Variants in LRRTM4 observed in about 807,000 individuals in gnomAD.
LRRTM4 encodes leucine rich repeat transmembrane neuronal 4, also known as leucine-rich repeat transmembrane neuronal protein 4.
In LRRTM4, 25 loss-of-function variants were observed where a neutral mutation model predicts 47.6. The ratio of observed to expected loss-of-function variants is 0.53; its 90% CI spans 0.38 to 0.73. The LOEUF is 0.73. Among genes scored for constraint, LRRTM4 ranks in the 30% least tolerant of loss-of-function variants. The probability of loss-of-function intolerance (pLI) is 0.00; values close to 1 mark genes in which losing one functional copy is unlikely to be tolerated. For synonymous variants in LRRTM4, 311 were observed against 269.5 expected, an observed-to-expected ratio of 1.15 and a Z score of -1.51; for missense variants, 638 against 713.4, an observed-to-expected ratio of 0.89 and a Z score of 1.20.
chr2:76,900,945 T>C (rs1673605069), intron 3 of LRRTM4, among the ~76,000 whole-genome samples: 6 of 152,160 alleles, frequency 3.9e-5, no homozygotes, highest in Admixed American at 3.9e-4. Flanking sequence ...AATGCATGCA[T>C]TTTCTAACAT....
At chr2:77,181,130 T>A (rs912534261) in intron 3 of LRRTM4, among the ~76,000 whole-genome samples, 1 of 152,128 alleles carries the variant, frequency 6.6e-6, no homozygotes, top group Non-Finnish European at 1.5e-5. Context: ...ACTAGACAAA[T>A]GTTTTGAGAA....
chr2:77,083,932 G>C (rs1388979494), intron 3 of LRRTM4, among the ~76,000 whole-genome samples: 1 of 150,674 alleles, frequency 6.6e-6, no homozygotes, highest in Non-Finnish European at 1.5e-5. Flanking sequence ...AGCCTCCCGA[G>C]TAGCTGGGAC....
chr2:76,772,317 A>AT (rs893969265), intron 3 of LRRTM4, among the ~76,000 whole-genome samples: 4 of 152,024 alleles, frequency 2.6e-5, no homozygotes, highest in African/African-American at 4.8e-5. Flanking sequence ...GTGAGAAATA[A>AT]TTTTTTTTAA....
chr2:77,013,488 G>C (rs1209456082), intron 3 of LRRTM4, among the ~76,000 whole-genome samples: 2 of 143,614 alleles, frequency 1.4e-5, no homozygotes, highest in African/African-American at 5.4e-5. Flanking sequence ...CCAAGCCTGA[G>C]AGAGTCTGAA....
At chr2:76,942,676 CTGTG>C (rs61077287) in intron 3 of LRRTM4, among the ~76,000 whole-genome samples, 2,077 of 148,302 alleles carry the variant, frequency 0.014, 49 homozygotes, top group African/African-American at 0.048. Flanking sequence ...CTCTAGGAAT[CTGTG>C]TGTGTGTGTG....
chr2:76,933,054 A>AT (rs955927056), intron 3 of LRRTM4, among the ~76,000 whole-genome samples: 3 of 152,038 alleles, frequency 2.0e-5, no homozygotes, highest in Admixed American at 2.0e-4. Context: ...CTCACATCCT[A>AT]TTTTTTTATG....
At chr2:77,224,269 C>T (rs1408900099) in intron 3 of LRRTM4, among the ~76,000 whole-genome samples, 6 of 151,972 alleles carry the variant, frequency 3.9e-5, no homozygotes, top group Non-Finnish European at 8.8e-5. Flanking sequence ...AGAAGAAAAC[C>T]TAGGCAATAC....
chr2:77,246,336 G>A (rs1675445102), intron 3 of LRRTM4, among the ~76,000 whole-genome samples: 1 of 152,112 alleles, frequency 6.6e-6, no homozygotes, highest in Non-Finnish European at 1.5e-5. Context: ...TTACTCAGAA[G>A]GCATGGGTCC....
chr2:77,083,318 C>A (rs1298465899), intron 3 of LRRTM4, among the ~76,000 whole-genome samples: 1 of 152,084 alleles, frequency 6.6e-6, no homozygotes, highest in Non-Finnish European at 1.5e-5. Context: ...TAGTAGGGGT[C>A]CTGAGGAGTG....
chr2:77,352,930 G>T (rs555929523), intron 3 of LRRTM4, among the ~76,000 whole-genome samples: 78 of 152,114 alleles, frequency 5.1e-4, no homozygotes, highest in Middle Eastern at 6.9e-3. Context: ...TTACATATTT[G>T]TCCTTATGAA....
intron 3 of LRRTM4, among the ~76,000 whole-genome samples, chr2:77,017,630 G>A (rs1283461850): frequency 6.6e-6 from 1 of 152,068 alleles, no homozygotes; most frequent in Admixed American, 6.6e-5. Flanking sequence ...TAGACATGGA[G>A]TACTTAAACC....
chr2:76,843,962 C>T (rs1392117533), intron 3 of LRRTM4, among the ~76,000 whole-genome samples: 2 of 145,032 alleles, frequency 1.4e-5, no homozygotes, highest in Admixed American at 7.2e-5. Flanking sequence ...AGTGCAGTGG[C>T]GTGATCTCGG....
At chr2:77,145,071 C>T (rs1672218651) in intron 3 of LRRTM4, among the ~76,000 whole-genome samples, 1 of 151,948 alleles carries the variant, frequency 6.6e-6, no homozygotes, top group African/African-American at 2.4e-5. Context: ...GTATTAAATT[C>T]AGTATGAAAG....
chr2:76,883,660 T>C (rs1295299265), intron 3 of LRRTM4, among the ~76,000 whole-genome samples: 1 of 152,086 alleles, frequency 6.6e-6, no homozygotes, highest in Non-Finnish European at 1.5e-5. Context: ...CCCCACTGTT[T>C]CTCGCAAATC....
chr2:77,208,866 TTAACC>T (rs1674214173), intron 3 of LRRTM4, among the ~76,000 whole-genome samples: 1 of 152,186 alleles, frequency 6.6e-6, no homozygotes, highest in Non-Finnish European at 1.5e-5. Context: ...TTGATGTGAA[TTAACC>T]CAGTTGGCTA....
chr2:77,206,954 CCTA>C (rs1262270453), intron 3 of LRRTM4, among the ~76,000 whole-genome samples: 1 of 151,766 alleles, frequency 6.6e-6, no homozygotes, highest in Non-Finnish European at 1.5e-5. Flanking sequence ...AGAAAAATCT[CCTA>C]CAATAACTCC....
At chr2:77,030,638 A>C (rs985306780) in intron 3 of LRRTM4, among the ~76,000 whole-genome samples, 1 of 152,172 alleles carries the variant, frequency 6.6e-6, no homozygotes, top group Non-Finnish European at 1.5e-5. Context: ...AACTAAGGAT[A>C]ACAACCAAAA....
chr2:76,829,792 C>T (rs1434181352), intron 3 of LRRTM4, among the ~76,000 whole-genome samples: 3 of 151,994 alleles, frequency 2.0e-5, no homozygotes, highest in Non-Finnish European at 4.4e-5. Flanking sequence ...CTCTTCTCTC[C>T]CCTAAAGTGT....
At chr2:77,433,774 C>A (rs114749458) in intron 3 of LRRTM4, among the ~76,000 whole-genome samples, 252 of 152,248 alleles carry the variant, frequency 1.7e-3, no homozygotes, top group African/African-American at 5.9e-3. Flanking sequence ...AAGGAAAATT[C>A]ACAAGCCACT....
Sources: gnomAD v4.1 joint callset for allele counts (sites outside exome capture counted in the v4.1 genomes callset) on GRCh38, gnomAD v4.1.1 for gene constraint, MANE v1.5 for transcripts, NCBI Gene and HGNC (gene_info 2026-07-23, HGNC 2026-07-21) for gene names.